Variants in GABRG3 observed in about 807,000 individuals in gnomAD.
GABRG3 encodes the protein gamma-aminobutyric acid type A receptor subunit gamma3.
A neutral mutation model predicts 48.8 loss-of-function variants in GABRG3; 25 were observed. The observed-to-expected ratio is 0.51, with a 90% CI of 0.37 to 0.72. The LOEUF (loss-of-function observed/expected upper bound fraction) is 0.72, where lower values mean the gene tolerates loss of function less well. Ranked by LOEUF, GABRG3 falls within the 30% of genes least tolerant of loss-of-function variation. The probability of loss-of-function intolerance (pLI) is 0.00; values close to 1 mark genes in which losing one functional copy is unlikely to be tolerated. For synonymous variants in GABRG3, 227 were observed against 217.6 expected (o/e 1.04, Z -0.38); for missense variants, 394 against 577.9 (o/e 0.68, Z 3.26).
At chr15:27,227,127 T>TC (rs567407511) in intron 3 of GABRG3, among the ~76,000 whole-genome samples, 243 of 152,330 alleles carry the variant, frequency 1.6e-3, no homozygotes, top group African/African-American at 5.6e-3. Flanking sequence ...TGTTGTTGAT[T>TC]TAACACTAAG....
intron 6 of GABRG3, among the ~76,000 whole-genome samples, chr15:27,492,914 T>C (rs1890389218): frequency 6.7e-6 from 1 of 149,340 alleles, no homozygotes; most frequent in Non-Finnish European, 1.5e-5. Context: ...AAGAAAATGC[T>C]CATAATATAA....
chr15:27,173,591 C>T (rs995703564), intron 3 of GABRG3, among the ~76,000 whole-genome samples: 2 of 151,856 alleles, frequency 1.3e-5, no homozygotes, highest in African/African-American at 4.8e-5. Context: ...AACATTTAGA[C>T]CAGGCATGGT....
chr15:27,386,689 T>C (rs1421388991), intron 5 of GABRG3, among the ~76,000 whole-genome samples: 1 of 152,174 alleles, frequency 6.6e-6, no homozygotes, highest in Non-Finnish European at 1.5e-5. Flanking sequence ...TTGAATTGGA[T>C]GTGAGCAACC....
intron 3 of GABRG3, among the ~76,000 whole-genome samples, chr15:27,079,761 C>T (rs1896962288): frequency 6.6e-6 from 1 of 152,184 alleles, no homozygotes; most frequent in African/African-American, 2.4e-5. Context: ...GTCTCCAACA[C>T]TGTCCCAAAA....
At chr15:27,234,513 G>T (rs1191786940) in intron 3 of GABRG3, among the ~76,000 whole-genome samples, 1 of 152,196 alleles carries the variant, frequency 6.6e-6, no homozygotes, top group Non-Finnish European at 1.5e-5. Context: ...TGCCTGTCAT[G>T]TAATAGGCAA....
At chr15:27,253,192 C>A (rs983138315) in intron 3 of GABRG3, among the ~76,000 whole-genome samples, 11 of 152,200 alleles carry the variant, frequency 7.2e-5, no homozygotes, top group Non-Finnish European at 1.2e-4. Flanking sequence ...CCTAAGAAGG[C>A]ACCGCAAAGG....
At chr15:27,241,461 G>A (rs774381174) in intron 3 of GABRG3, among the ~76,000 whole-genome samples, 1 of 152,204 alleles carries the variant, frequency 6.6e-6, no homozygotes, top group Non-Finnish European at 1.5e-5. Context: ...GTAAAAGAGT[G>A]TGACTCCTTT....
At chr15:26,980,091 T>C (rs530176470) in intron 2 of GABRG3, among the ~76,000 whole-genome samples, 16 of 152,272 alleles carry the variant, frequency 1.1e-4, no homozygotes, top group African/African-American at 3.9e-4. Flanking sequence ...AGTTGTCAAA[T>C]TTATATGTTT....
intron 3 of GABRG3, among the ~76,000 whole-genome samples, chr15:27,268,829 C>G (rs559947943): frequency 1.3e-5 from 2 of 152,264 alleles, no homozygotes; most frequent in Admixed American, 6.5e-5. Flanking sequence ...TTCTTCACCT[C>G]AAGGAGTCCT....
Position 27,307,373 on chromosome 15 carries a change from T to TTA in GABRG3, c.271-19430_271-19429dup, listed in dbSNP as rs1449437367. Among the ~76,000 whole-genome samples the TTA allele has an allele frequency of 3.2e-5, 3 of 93,126 alleles. 1 individual carries two copies. The highest frequency in any genetic ancestry group is 6.7e-5 in the Non-Finnish European group (3 of 45,054). 61.1% of individuals were successfully genotyped at this position (93,126 alleles called of 152,430 possible). ...TATGTTTATATATAACCATATAGGTTTATATATTTATATATAACCATATAG... is the reference window on the plus strand; with the variant it reads ...TATGTTTATATATAACCATATAGGTTTATATATATTTATATATAACCATATAG... On this transcript the variant is annotated intron_variant, in intron 3 of 9. Coordinates refer to ENST00000615808, the MANE Select transcript of GABRG3 (RefSeq NM_033223.5).
chr15:26,989,583 G>A (rs1440004500), intron 2 of GABRG3, among the ~76,000 whole-genome samples: 2 of 152,246 alleles, frequency 1.3e-5, no homozygotes, highest in African/African-American at 4.8e-5. Context: ...TCACATCGAG[G>A]AAAATTGGGT....
intron 5 of GABRG3, among the ~76,000 whole-genome samples, chr15:27,368,634 G>A (rs924356159): frequency 6.6e-6 from 1 of 152,142 alleles, no homozygotes; most frequent in Non-Finnish European, 1.5e-5. Context: ...TGTTACCTCC[G>A]GTTCTGCAGG....
intron 3 of GABRG3, among the ~76,000 whole-genome samples, chr15:27,135,641 T>A (rs1249238471): frequency 1.3e-5 from 2 of 152,170 alleles, no homozygotes; most frequent in Non-Finnish European, 2.9e-5. Context: ...GCGCAGTGGC[T>A]CAAGCCTGTA....
intron 3 of GABRG3, among the ~76,000 whole-genome samples, chr15:27,144,905 C>T (rs1898170401): frequency 6.6e-6 from 1 of 152,202 alleles, no homozygotes; most frequent in Non-Finnish European, 1.5e-5. Flanking sequence ...CAACCACTAA[C>T]TTAGCTAAGA....
chr15:27,163,511 A>G (rs906259709), intron 3 of GABRG3, among the ~76,000 whole-genome samples: 1 of 152,058 alleles, frequency 6.6e-6, no homozygotes, highest in Admixed American at 6.5e-5. Context: ...AACAGCTGCA[A>G]TCTCTTGGGC....
chr15:27,306,185 T>C (rs1251084848), intron 3 of GABRG3, among the ~76,000 whole-genome samples: 3 of 134,182 alleles, frequency 2.2e-5, no homozygotes, highest in Non-Finnish European at 4.6e-5. Flanking sequence ...AAACATATAA[T>C]ATAAACATAT....
In GABRG3 at chr15:27,326,985, G is replaced by A. The variant is rs370360656; in HGVS notation, c.447G>A (p.Gln149=). The A allele has an allele frequency of 1.2e-5, 19 of 1,613,876 alleles. No individual in the cohort carries two copies. Among genetic ancestry groups the A allele is most frequent in the Non-Finnish European group, 1.6e-5 (19 of 1,179,904 alleles). The change falls in exon 4 of 10, where the codon CAG becomes CAA. Residue 149 remains glutamine, a synonymous_variant. Coordinates refer to ENST00000615808, the MANE Select transcript of GABRG3 (RefSeq NM_033223.5). ...AEAHWITTPN[Q]LLRIWNDGKI... ...CTCACTGGATCACCACACCCAATCA[G>A]CTCCTCCGGATTTGGAATGACGGGA...
chr15:27,322,405 G>A (rs1359144057), intron 3 of GABRG3, among the ~76,000 whole-genome samples: 2 of 152,148 alleles, frequency 1.3e-5, no homozygotes, highest in Non-Finnish European at 2.9e-5. Flanking sequence ...CCACCTCATG[G>A]ATGGTTCTCG....
intron 3 of GABRG3, among the ~76,000 whole-genome samples, chr15:27,037,096 C>T (rs957310324): frequency 6.6e-6 from 1 of 152,150 alleles, no homozygotes; most frequent in African/African-American, 2.4e-5. Flanking sequence ...CAGCAAATAC[C>T]AGAAGCCAGG....
Sources: allele counts gnomAD v4.1 joint callset (sites outside exome capture counted in the v4.1 genomes callset), GRCh38; gene constraint gnomAD v4.1.1; transcripts MANE v1.5; gene names NCBI Gene and HGNC (gene_info 2026-07-23, HGNC 2026-07-21).